PSMD1: variants seen among roughly 807,000 people sequenced by gnomAD.
PSMD1 encodes the protein 26S proteasome non-ATPase regulatory subunit 1.
Under a neutral mutation model 119.0 loss-of-function variants are expected in PSMD1, and 18 were observed. The observed-to-expected ratio is 0.15, with a 90% CI of 0.10 to 0.22. PSMD1 has a LOEUF of 0.22. Ranked by LOEUF, PSMD1 falls within the 10% of genes least tolerant of loss-of-function variation. The pLI is 1.00. For missense variants in PSMD1, 702 were observed against 1,158.5 expected (o/e 0.61, Z 5.72); for synonymous variants, 374 against 396.6 (o/e 0.94, Z 0.68).
At chr2:231,122,009 A>G (rs1169086921) in intron 16 of PSMD1, among the ~76,000 whole-genome samples, 2 of 152,126 alleles carry the variant, frequency 1.3e-5, no homozygotes, top group East Asian at 1.9e-4. Context: ...TCTACATAAT[A>G]CTTTCTTTTA....
At chr2:231,092,318 T>C (rs976993682) in intron 16 of PSMD1, among the ~76,000 whole-genome samples, 1 of 152,186 alleles carries the variant, frequency 6.6e-6, no homozygotes, top group East Asian at 1.9e-4. Flanking sequence ...ACCAAACCTG[T>C]CCCTGCACTC....
intron 18 of PSMD1, among the ~76,000 whole-genome samples, chr2:231,153,012 C>T (rs551607933): frequency 9.2e-5 from 14 of 152,186 alleles, no homozygotes; most frequent in African/African-American, 3.4e-4. Context: ...TTTTCCATTC[C>T]GATACTCTCC....
chr2:231,157,085 T>TC (rs1012436377), intron 19 of PSMD1, among the ~76,000 whole-genome samples: 3 of 152,206 alleles, frequency 2.0e-5, no homozygotes, highest in Non-Finnish European at 4.4e-5. Context: ...ATCTTTTTTT[T>TC]CTCTTTTAGC....
intron 17 of PSMD1, among the ~76,000 whole-genome samples, chr2:231,140,504 A>C (rs1268447809): frequency 6.6e-6 from 1 of 151,158 alleles, no homozygotes; most frequent in Non-Finnish European, 1.5e-5. Context: ...TCAAAAAAAA[A>C]AAAAAAAAAA....
rs1231292725 is a variant in PSMD1 at position 231,096,361 on chromosome 2, T to C, written c.1883+9180T>C. The stretch of plus-strand genomic sequence containing the variant: ...GCGGGGCTGAGGGAGATGGAGTCGG[T>C]AAGGTAGGTGATGGTTCCTCTTCCC... On this transcript the variant is annotated intron_variant, in intron 16 of 24. Transcript: ENST00000308696. Among the ~76,000 whole-genome samples, 3 of 152,114 alleles carry C rather than the reference T, an allele frequency of 2.0e-5. No individual in the cohort carries two copies. The East Asian group carries it at 5.8e-4, about 29-fold the overall frequency.
rs569556449 is a variant in PSMD1 at position 231,067,223 on chromosome 2, C to T, written c.510+112C>T. On this transcript the variant is annotated intron_variant, in intron 5 of 24. Coordinates refer to ENST00000308696, the MANE Select transcript of PSMD1 (RefSeq NM_002807.4). ...AAAAGAAAATCTAGTTTAGAAATAGCAGGTGATCTTTTGCCAAATATTTTA... is the reference window on the plus strand; with the variant it reads ...AAAAGAAAATCTAGTTTAGAAATAGTAGGTGATCTTTTGCCAAATATTTTA... The T allele has an allele frequency of 3.4e-5, 27 of 794,136 alleles. No homozygotes were observed. The African/African-American group carries it at 4.6e-4, about 13-fold the overall frequency. The allele number at this position is 794,136 out of a possible 1,614,324, so 49.2% of individuals were successfully genotyped here.
chr2:231,082,687 A>G (rs574074858), intron 12 of PSMD1, among the ~76,000 whole-genome samples, 196 bp from the exon 13 acceptor site: 7 of 152,346 alleles, frequency 4.6e-5, no homozygotes, highest in Admixed American at 1.3e-4. Context: ...CCTGGGCGAC[A>G]AGAGCGAAAC....
rs1403512013 is a variant in PSMD1 at position 231,061,266 on chromosome 2, G to C, written c.17-1G>C. 1 of 1,588,192 alleles carries C rather than the reference G, an allele frequency of 6.3e-7. No homozygotes were observed. Among genetic ancestry groups the C allele is most frequent in the Admixed American group, 1.7e-5 (1 of 58,624 alleles). Reference sequence around the variant, plus strand: ...ATCATGTTACATCTTTTTTCTCATAGCTGGAATTATTTCTCTTCTGGATGA... The same window carrying C: ...ATCATGTTACATCTTTTTTCTCATACCTGGAATTATTTCTCTTCTGGATGA... On this transcript the variant is annotated splice_acceptor_variant, in intron 1 of 24. Transcript: ENST00000308696. LOFTEE classifies it high-confidence loss of function.
At chr2:231,169,584 A>G (rs945971059) in intron 23 of PSMD1, among the ~76,000 whole-genome samples, 4 of 152,220 alleles carry the variant, frequency 2.6e-5, no homozygotes, top group Admixed American at 6.5e-5. Flanking sequence ...AGTTCTGATG[A>G]GTAAAAATTG....
chr2:231,152,533 AAACAGCTTATAAG>A (rs1211979759), intron 18 of PSMD1, among the ~76,000 whole-genome samples: 4 of 152,326 alleles, frequency 2.6e-5, no homozygotes, highest in African/African-American at 7.2e-5. Flanking sequence ...TAACTTACCC[AAACAGCTTATAAG>A]AACAGCTTAT....
chr2:231,094,884 C>T (rs1222168084), intron 16 of PSMD1, among the ~76,000 whole-genome samples: 2 of 152,168 alleles, frequency 1.3e-5, no homozygotes, highest in Non-Finnish European at 2.9e-5. Context: ...TGAAGGAATT[C>T]TATGACATCA....
chr2:231,089,416 T>A (rs536962677), intron 16 of PSMD1, among the ~76,000 whole-genome samples: 1 of 152,280 alleles, frequency 6.6e-6, no homozygotes, highest in African/African-American at 2.4e-5. Context: ...GCTGTTCTTG[T>A]CAGAAGCTAA....
At chr2:231,152,803 CAG>C (rs1415904399) in intron 18 of PSMD1, among the ~76,000 whole-genome samples, 2 of 152,070 alleles carry the variant, frequency 1.3e-5, no homozygotes, top group African/African-American at 4.8e-5. Context: ...GTTGGGAAAA[CAG>C]AGAAGTGTAA....
chr2:231,078,596 G>A (rs1172455711), intron 9 of PSMD1, 63 bp from the exon 10 acceptor site: 1 of 1,211,130 alleles, frequency 8.3e-7, no homozygotes, highest in Non-Finnish European at 1.2e-6. Context: ...GACTGTGTGT[G>A]TGAGGGTGTG....
intron 15 of PSMD1, among the ~76,000 whole-genome samples, chr2:231,085,483 G>C (rs935500901): frequency 2.6e-5 from 4 of 152,162 alleles, no homozygotes; most frequent in African/African-American, 9.7e-5. Flanking sequence ...TTTTACAGCC[G>C]GTAGAGTTAG....
At position 231,081,980 on chromosome 2, in the gene PSMD1, C is replaced by A. The variant is rs539497744; in HGVS notation, c.1414-903C>A. On this transcript the variant is annotated intron_variant, in intron 12 of 24. Transcript: ENST00000308696. ...GTTGTTCAGTCTTTTTCCTCCCCTT[C>A]TCATGTAAACCTACTGAAAGAGAGT... is the stretch of plus-strand genomic sequence containing the variant. Among the ~76,000 whole-genome samples the A allele has an allele frequency of 1.5e-4, 23 of 152,344 alleles. 1 individual carries two copies. In the East Asian group the frequency reaches 3.7e-3, roughly 24 times the overall value.
In PSMD1 at chr2:231,170,533, A is replaced by C. The variant is rs1696889036; in HGVS notation, c.2716-33A>C. The C allele has an allele frequency of 6.5e-7, 1 of 1,543,218 alleles. No individual in the cohort carries two copies. The highest frequency in any genetic ancestry group is 1.4e-5 in the African/African-American group (1 of 71,728). On this transcript the variant is annotated intron_variant, in intron 23 of 24. Transcript: ENST00000308696. This position sits in a 1 kb window ranked among gnomAD's most constrained non-coding sequence, Gnocchi z 4.1. ...GATTGTGGAGCACGCTTGAAATATGAGTGTACGCTTCTGCACGCCCCTGTG... is the reference window on the plus strand; with the variant it reads ...GATTGTGGAGCACGCTTGAAATATGCGTGTACGCTTCTGCACGCCCCTGTG...
chr2:231,133,593 T>A (rs180748121), intron 16 of PSMD1: 2 of 152,172 alleles, frequency 1.3e-5, no homozygotes, highest in Non-Finnish European at 2.9e-5. Flanking sequence ...TAATTTATGG[T>A]ATTGGGGGAT....
chr2:231,065,768 TC>T (rs1186543516), intron 4 of PSMD1, among the ~76,000 whole-genome samples: 1 of 152,158 alleles, frequency 6.6e-6, no homozygotes, highest in Non-Finnish European at 1.5e-5. Flanking sequence ...CACCCTCCCC[TC>T]CATGCACCCA....
Sources: allele counts gnomAD v4.1 joint callset (sites outside exome capture counted in the v4.1 genomes callset), GRCh38; gene constraint gnomAD v4.1.1; non-coding constraint Gnocchi (gnomAD v3.1); transcripts MANE v1.5; gene names NCBI Gene and HGNC (gene_info 2026-07-23, HGNC 2026-07-21).